PPM1L: variants seen among roughly 807,000 people sequenced by gnomAD.
PPM1L encodes the protein protein phosphatase 1L.
PPM1L carries 13 observed loss-of-function variants against 31.4 expected under a neutral mutation model. That is an observed-to-expected ratio of 0.41 (90% confidence interval 0.27 to 0.66). The LOEUF (loss-of-function observed/expected upper bound fraction) is 0.66. Ranked by LOEUF, PPM1L falls within the 30% of genes least tolerant of loss-of-function variation. The pLI is 0.29. For missense variants in PPM1L, 326 were observed against 453.7 expected (o/e 0.72, Z 2.56); for synonymous variants, 184 against 175.4 (o/e 1.05, Z -0.39).
intron 1 of PPM1L, among the ~76,000 whole-genome samples, chr3:160,806,824 AAAAGAAAG>A (rs1007608818): frequency 2.1e-4 from 32 of 151,498 alleles, no homozygotes; most frequent in Admixed American, 3.3e-4. Context: ...AAAGAAAAAG[AAAAGAAAG>A]AAAGAAGGAA....
chr3:160,869,532 A>G (rs1712224346), intron 1 of PPM1L, among the ~76,000 whole-genome samples: 1 of 152,110 alleles, frequency 6.6e-6, no homozygotes, highest in South Asian at 2.1e-4. Context: ...TCTTAACAGT[A>G]TATATGGTAT....
chr3:160,890,267 C>T (rs1048612169), intron 1 of PPM1L, among the ~76,000 whole-genome samples: 4 of 152,298 alleles, frequency 2.6e-5, no homozygotes, highest in Non-Finnish European at 4.4e-5. Context: ...CCCAAAACTC[C>T]TTTAGCTTAT....
At chr3:160,801,017 T>TTAA (rs1245445328) in intron 1 of PPM1L, among the ~76,000 whole-genome samples, 4 of 152,218 alleles carry the variant, frequency 2.6e-5, no homozygotes, top group African/African-American at 9.6e-5. Flanking sequence ...GTTCAGTGAG[T>TTAA]GTTATGCTTT....
At chr3:161,036,867 A>G (rs1718755598) in intron 2 of PPM1L, among the ~76,000 whole-genome samples, 1 of 152,236 alleles carries the variant, frequency 6.6e-6, no homozygotes, top group Non-Finnish European at 1.5e-5. Context: ...TCCTGCCAAG[A>G]AAGACATGGC....
intron 2 of PPM1L, among the ~76,000 whole-genome samples, chr3:161,016,701 A>G (rs1325327531): frequency 6.6e-6 from 1 of 152,176 alleles, no homozygotes; most frequent in Non-Finnish European, 1.5e-5. Flanking sequence ...TAAACAAAAG[A>G]TTGAGAGTGG....
intron 2 of PPM1L, among the ~76,000 whole-genome samples, chr3:161,013,081 G>C (rs571412570): frequency 6.6e-6 from 1 of 152,144 alleles, no homozygotes; most frequent in South Asian, 2.1e-4. Flanking sequence ...GAATGTGTTT[G>C]CTCTTGCTTC....
intron 1 of PPM1L, among the ~76,000 whole-genome samples, chr3:160,807,941 G>A (rs911784334): frequency 7.2e-5 from 11 of 151,994 alleles, no homozygotes; most frequent in African/African-American, 2.7e-4. Flanking sequence ...TAAAGACTAT[G>A]AGATGATAAT....
At chr3:161,046,707 C>G (rs568503926) in intron 2 of PPM1L, among the ~76,000 whole-genome samples, 2 of 152,104 alleles carry the variant, frequency 1.3e-5, no homozygotes, top group African/African-American at 4.8e-5. Flanking sequence ...ACTGGCAAAC[C>G]GAATCCAGCA....
intron 1 of PPM1L, among the ~76,000 whole-genome samples, chr3:160,788,116 A>G (rs908570381): frequency 6.6e-6 from 1 of 152,026 alleles, no homozygotes; most frequent in Non-Finnish European, 1.5e-5. Flanking sequence ...TTTTGGTTCC[A>G]TAGAATTTCA....
At chr3:160,838,430 G>A (rs1713779718) in intron 1 of PPM1L, among the ~76,000 whole-genome samples, 1 of 152,136 alleles carries the variant, frequency 6.6e-6, no homozygotes, top group South Asian at 2.1e-4. Context: ...AGGAAACATA[G>A]CATGTTTAAA....
chr3:160,937,639 A>AC (rs1311038968), intron 1 of PPM1L, among the ~76,000 whole-genome samples: 1 of 152,112 alleles, frequency 6.6e-6, no homozygotes, highest in Non-Finnish European at 1.5e-5. Context: ...CAAAAAACAA[A>AC]AAACAAACAA....
Position 161,014,006 on chromosome 3 carries a change from C to T in PPM1L, c.575-51397C>T, listed in dbSNP as rs371291681. ...GCCAGTCTGTGTCTTTTAATTGGAG[C>T]ATTTAGCCCATTTACATTTAAGGTT... On this transcript the variant is annotated intron_variant, in intron 2 of 3. Transcript: ENST00000498165. 9.9e-5 allele frequency among the ~76,000 whole-genome samples: 15 copies of T among 152,244 alleles called. No individual in the cohort carries two copies. In the South Asian group the frequency reaches 1.7e-3, roughly 17 times the overall value.
At chr3:160,821,371 C>A (rs1213455758) in intron 1 of PPM1L, among the ~76,000 whole-genome samples, 1 of 151,784 alleles carries the variant, frequency 6.6e-6, no homozygotes, top group Non-Finnish European at 1.5e-5. Flanking sequence ...CCTTTGTAAC[C>A]CCATATTTTG....
chr3:160,889,246 A>G (rs1456512607), intron 1 of PPM1L, among the ~76,000 whole-genome samples: 2 of 152,162 alleles, frequency 1.3e-5, no homozygotes, highest in Non-Finnish European at 2.9e-5. Context: ...AATAAAATAG[A>G]TAGACCACTA....
At chr3:160,786,147 CTCTCTCTCTCTG>C (rs1364131177) in intron 1 of PPM1L, among the ~76,000 whole-genome samples, 2 of 91,148 alleles carry the variant, frequency 2.2e-5, no homozygotes, top group South Asian at 3.3e-4. Context: ...CTCTCTCTCT[CTCTCTCTCTCTG>C]TGTGTGTGTG....
chr3:161,035,107 A>G (rs116191596), intron 2 of PPM1L, among the ~76,000 whole-genome samples: 1,771 of 149,262 alleles, frequency 0.012, 45 homozygotes, highest in African/African-American at 0.042. Context: ...AAGGGGAAGG[A>G]TAGATGACTA....
intron 2 of PPM1L, among the ~76,000 whole-genome samples, chr3:161,041,696 T>C (rs1256543156): frequency 6.6e-6 from 1 of 152,074 alleles, no homozygotes; most frequent in Non-Finnish European, 1.5e-5. Flanking sequence ...TGCAGTGAGC[T>C]GAGATCACAC....
intron 1 of PPM1L, among the ~76,000 whole-genome samples, chr3:160,819,493 CTA>C (rs1327845690): frequency 6.6e-6 from 1 of 151,952 alleles, no homozygotes; most frequent in Non-Finnish European, 1.5e-5. Flanking sequence ...TTATTGAGCA[CTA>C]TTTTGTCATG....
chr3:161,010,120 A>G (rs899911777), intron 2 of PPM1L, among the ~76,000 whole-genome samples: 24 of 152,230 alleles, frequency 1.6e-4, no homozygotes, highest in Middle Eastern at 3.4e-3. Context: ...CGTCATTTAC[A>G]TTAGGTATAT....
Sources: gnomAD v4.1 joint callset for allele counts (sites outside exome capture counted in the v4.1 genomes callset) on GRCh38, gnomAD v4.1.1 for gene constraint, MANE v1.5 for transcripts, NCBI Gene and HGNC (gene_info 2026-07-23, HGNC 2026-07-21) for gene names.